Variants in MAPKAP1 observed in about 807,000 individuals in gnomAD.
The protein encoded by MAPKAP1 is MAPK associated protein 1.
A neutral mutation model predicts 65.7 loss-of-function variants in MAPKAP1; 20 were observed. That is an observed-to-expected ratio of 0.30 (90% CI 0.21 to 0.44). MAPKAP1 has a LOEUF of 0.44. MAPKAP1 is among the 20% of genes least tolerant of loss of function. The pLI is 1.00. For missense variants in MAPKAP1, 423 were observed against 648.0 expected, an observed-to-expected ratio of 0.65 and a Z score of 3.77; for synonymous variants, 222 against 244.3, an observed-to-expected ratio of 0.91 and a Z score of 0.85.
At chr9:125,533,456 CTT>C (rs200901488) in intron 7 of MAPKAP1, among the ~76,000 whole-genome samples, 1 of 145,680 alleles carries the variant, frequency 6.9e-6, no homozygotes, top group African/African-American at 2.5e-5. Flanking sequence ...TAAACTTTTT[CTT>C]TTTTTTTTTG....
chr9:125,515,635 G>GT (rs1472494365), intron 7 of MAPKAP1, among the ~76,000 whole-genome samples: 1 of 152,186 alleles, frequency 6.6e-6, no homozygotes, highest in Admixed American at 6.5e-5. Flanking sequence ...GCAAAAAATC[G>GT]TAACTAAATT....
At chr9:125,620,809 T>C (rs1399818744) in intron 4 of MAPKAP1, among the ~76,000 whole-genome samples, 1 of 152,102 alleles carries the variant, frequency 6.6e-6, no homozygotes, top group African/African-American at 2.4e-5. Context: ...AATAAGTATA[T>C]TTTCATATGG....
intron 7 of MAPKAP1, among the ~76,000 whole-genome samples, chr9:125,519,505 A>G (rs1829558717): frequency 6.6e-6 from 1 of 151,632 alleles, no homozygotes; most frequent in South Asian, 2.1e-4. Context: ...GGTAGCACAC[A>G]CTTGTCTTAG....
At chr9:125,579,279 G>A (rs1484844146) in intron 5 of MAPKAP1, among the ~76,000 whole-genome samples, 2 of 152,170 alleles carry the variant, frequency 1.3e-5, no homozygotes, top group Non-Finnish European at 2.9e-5. Context: ...ACAAGGCACA[G>A]GAACAGGAGA....
At chr9:125,543,320 G>A in intron 6 of MAPKAP1, 152 bp from the exon 7 acceptor site, 4 of 584,422 alleles carry the variant, frequency 6.8e-6, no homozygotes, top group Non-Finnish European at 9.1e-6. Context: ...AGGCTGGAGT[G>A]CAGTGGTGCA....
At chr9:125,567,336 T>C (rs928987108) in intron 5 of MAPKAP1, among the ~76,000 whole-genome samples, 4 of 152,166 alleles carry the variant, frequency 2.6e-5, no homozygotes, top group Admixed American at 2.0e-4. Flanking sequence ...CATAAAGACA[T>C]TGCTGATAAA....
chr9:125,671,445 A>G (rs767602320), intron 2 of MAPKAP1, among the ~76,000 whole-genome samples: 5 of 152,186 alleles, frequency 3.3e-5, no homozygotes, highest in South Asian at 2.1e-4. Flanking sequence ...GTGTTCTACT[A>G]TATCTCCTTG....
rs530938069 is a variant in MAPKAP1 at position 125,668,319 on chromosome 9, T to C, written c.349+1499A>G. ...GAGCCTTTGTCTTATCTGTAAACAA[T>C]AGCAACGATACCTACACCTTGCAAG... is the stretch of plus-strand genomic sequence containing the variant. On this transcript the variant is annotated intron_variant, in intron 3 of 11. Coordinates refer to ENST00000265960, the MANE Select transcript of MAPKAP1 (RefSeq NM_001006617.3). Among the ~76,000 whole-genome samples, 8 of 152,136 alleles carry C rather than the reference T, an allele frequency of 5.3e-5. No individual in the cohort carries two copies. The East Asian group carries it at 1.4e-3, about 26-fold the overall frequency.
intron 9 of MAPKAP1, among the ~76,000 whole-genome samples, chr9:125,480,989 A>G (rs1206637868): frequency 1.3e-5 from 2 of 151,332 alleles, no homozygotes; most frequent in Non-Finnish European, 3.0e-5. Context: ...AAAAAAAAAA[A>G]AAAAAAAAAA....
chr9:125,533,921 C>G (rs1043117488), intron 7 of MAPKAP1, among the ~76,000 whole-genome samples: 3 of 152,128 alleles, frequency 2.0e-5, no homozygotes, highest in Non-Finnish European at 4.4e-5. Flanking sequence ...ATCTAAACAT[C>G]CTTCAATAGA....
At chr9:125,660,169 A>G (rs1188404621) in intron 3 of MAPKAP1, among the ~76,000 whole-genome samples, 5 of 152,136 alleles carry the variant, frequency 3.3e-5, no homozygotes, top group Admixed American at 2.0e-4. Context: ...ATCTACATTC[A>G]CGCCACTGGT....
chr9:125,632,806 T>A (rs1304748669), intron 4 of MAPKAP1, among the ~76,000 whole-genome samples: 1 of 152,134 alleles, frequency 6.6e-6, no homozygotes, highest in Non-Finnish European at 1.5e-5. Context: ...TAATCACCAC[T>A]CTGTGCCTCG....
intron 7 of MAPKAP1, among the ~76,000 whole-genome samples, chr9:125,526,585 G>T (rs903403012): frequency 6.6e-6 from 1 of 152,174 alleles, no homozygotes; most frequent in African/African-American, 2.4e-5. Flanking sequence ...TGTTCTCAGA[G>T]AAATCTGACA....
chr9:125,444,585 A>T lies in MAPKAP1; in HGVS notation c.1359T>A (p.Phe453Leu). ...CGTGATTGCTTAGATACGTGAGTTT[A>T]AATATTGCGTGACCTGCAGAGACAG... ...AEEKSPSHAI[F>L]KLTYLSNHDY... The change falls in exon 11 of 12, where the codon TTT becomes TTA. Residue 453 changes from phenylalanine (F) to leucine (L), a missense_variant. By Grantham distance (22) the Phe-to-Leu change is conservative. Coordinates refer to ENST00000265960, the MANE Select transcript of MAPKAP1 (RefSeq NM_001006617.3). 1.2e-6 allele frequency: 2 copies of T among 1,613,070 alleles called. No individual in the cohort carries two copies. Among genetic ancestry groups the T allele is most frequent in the Non-Finnish European group, 1.7e-6 (2 of 1,179,260 alleles).
chr9:125,552,675 T>C lies in MAPKAP1; in HGVS notation c.848+6958A>G, dbSNP rs150997862. Among the ~76,000 whole-genome samples the C allele has an allele frequency of 4.5e-3, 680 of 152,328 alleles. 6 individuals are homozygous for C. The highest frequency in any genetic ancestry group is 0.015 in the African/African-American group (637 of 41,578). ...ACAATAGCAACTATGTAACACTTCC[T>C]ACATGCCAGAGTCTCAGCTAATATT... On this transcript the variant is annotated intron_variant, in intron 6 of 11. Coordinates refer to ENST00000265960, the MANE Select transcript of MAPKAP1 (RefSeq NM_001006617.3).
intron 8 of MAPKAP1, among the ~76,000 whole-genome samples, chr9:125,498,459 T>C (rs1564531906): frequency 6.6e-6 from 1 of 152,166 alleles, no homozygotes. Context: ...CCATGAAAAT[T>C]GAAAGATAAA....
In MAPKAP1 at chr9:125,562,329, A is replaced by G. The variant is rs146179075; in HGVS notation, c.672-2520T>C. On this transcript the variant is annotated intron_variant, in intron 5 of 11. Coordinates refer to ENST00000265960, the MANE Select transcript of MAPKAP1 (RefSeq NM_001006617.3). Reference sequence around the variant, plus strand: ...ATATGAAGTGTGAAATCATTCATTCAAAACACATTTGTAAAGTGCCCCCCT... The same window carrying G: ...ATATGAAGTGTGAAATCATTCATTCGAAACACATTTGTAAAGTGCCCCCCT... Among the ~76,000 whole-genome samples, 1,184 of 152,352 alleles carry G rather than the reference A, an allele frequency of 7.8e-3. 15 individuals carry two copies. The highest frequency in any genetic ancestry group is 0.012 in the Admixed American group (184 of 15,312).
intron 7 of MAPKAP1, among the ~76,000 whole-genome samples, chr9:125,510,742 C>A (rs1280587742): frequency 6.6e-6 from 1 of 152,162 alleles, no homozygotes; most frequent in Non-Finnish European, 1.5e-5. Flanking sequence ...ATATCTAAAT[C>A]CAAATGGAAA....
At chr9:125,648,201 C>T (rs1833786590) in intron 4 of MAPKAP1, among the ~76,000 whole-genome samples, 1 of 152,198 alleles carries the variant, frequency 6.6e-6, no homozygotes, top group African/African-American at 2.4e-5. Context: ...CTCTGCCACA[C>T]ACTAGTGGGG....
Sources: allele counts gnomAD v4.1 joint callset (sites outside exome capture counted in the v4.1 genomes callset), GRCh38; gene constraint gnomAD v4.1.1; transcripts MANE v1.5; gene names NCBI Gene and HGNC (gene_info 2026-07-23, HGNC 2026-07-21).